CIB4: variants seen among roughly 807,000 people sequenced by gnomAD.
CIB4 encodes the protein calcium and integrin binding family member 4.
Under a neutral mutation model 25.8 loss-of-function variants are expected in CIB4, and 25 were observed. That is an observed-to-expected ratio of 0.97 (90% confidence interval 0.71 to 1.35). The LOEUF is 1.35. Among genes scored for constraint, CIB4 ranks in the 40% most tolerant of loss-of-function variants. The probability of loss-of-function intolerance (pLI) is 0.00; values close to 1 mark genes in which losing one functional copy is unlikely to be tolerated. For synonymous variants in CIB4, 75 were observed against 81.4 expected (o/e 0.92, Z 0.42); for missense variants, 235 against 228.2 (o/e 1.03, Z -0.19).
chr2:26,616,425 G>T (rs1331023104), intron 3 of CIB4, among the ~76,000 whole-genome samples: 2 of 152,208 alleles, frequency 1.3e-5, no homozygotes, highest in African/African-American at 4.8e-5. Flanking sequence ...AGCCTGGGAG[G>T]CCAGGCTGGG....
intron 1 of CIB4, 59 bp from the exon 2 acceptor site, chr2:26,640,626 G>C: frequency 1.3e-6 from 2 of 1,543,284 alleles, no homozygotes; most frequent in South Asian, 2.3e-5. Flanking sequence ...TGTGGCCCCT[G>C]GGGAGTGGCG....
At chr2:26,625,937 T>G (rs1669295343) in intron 3 of CIB4, among the ~76,000 whole-genome samples, 1 of 152,250 alleles carries the variant, frequency 6.6e-6, no homozygotes, top group African/African-American at 2.4e-5. Context: ...GCATCTGGTT[T>G]CACATTTTCT....
At chr2:26,612,304 A>G (rs1403518516) in intron 3 of CIB4, among the ~76,000 whole-genome samples, 1 of 152,240 alleles carries the variant, frequency 6.6e-6, no homozygotes, top group East Asian at 1.9e-4. Flanking sequence ...GTTCAGTGGA[A>G]GATGGCCCCA....
At chr2:26,609,691 G>A (rs1223757760) in intron 3 of CIB4, among the ~76,000 whole-genome samples, 2 of 152,128 alleles carry the variant, frequency 1.3e-5, no homozygotes, top group Non-Finnish European at 2.9e-5. Flanking sequence ...TTTTCAGGGC[G>A]GGAAGGTCCC....
intron 3 of CIB4, among the ~76,000 whole-genome samples, chr2:26,611,111 A>G (rs1319319471): frequency 6.6e-6 from 1 of 152,204 alleles, no homozygotes; most frequent in African/African-American, 2.4e-5. Context: ...CTGTCACAGG[A>G]GTGATGAGAA....
intron 3 of CIB4, among the ~76,000 whole-genome samples, chr2:26,626,453 T>C (rs1307924170): frequency 6.6e-6 from 1 of 151,114 alleles, no homozygotes; most frequent in Admixed American, 6.6e-5. Flanking sequence ...TATATCTGCA[T>C]AGAAAAAAAG....
At chr2:26,618,456 T>C (rs1669138041) in intron 3 of CIB4, among the ~76,000 whole-genome samples, 1 of 152,116 alleles carries the variant, frequency 6.6e-6, no homozygotes, top group Non-Finnish European at 1.5e-5. Flanking sequence ...TGGCTAATTT[T>C]TTATTTTTTG....
chr2:26,634,524 G>T (rs749056472), intron 2 of CIB4, among the ~76,000 whole-genome samples: 1 of 152,276 alleles, frequency 6.6e-6, no homozygotes, highest in East Asian at 1.9e-4. Context: ...TTGATCTTCT[G>T]GTTGTCCTAA....
intron 3 of CIB4, among the ~76,000 whole-genome samples, chr2:26,612,456 TG>T (rs1212467940): frequency 6.6e-6 from 1 of 152,230 alleles, no homozygotes; most frequent in East Asian, 1.9e-4. Flanking sequence ...AGAGCCTTGT[TG>T]GCCCCAGTGC....
chr2:26,595,255 C>T lies in CIB4; in HGVS notation c.249G>A (p.Glu83=), dbSNP rs1393474027. ...ACACAGATGCCATGCCCAGCACATC[C>T]TCAAAGGAGAACATGCCTTTGTGGG... is the stretch of plus-strand genomic sequence containing the variant. ...VFSHKGMFSF[E]DVLGMASVFS... is the part of the protein sequence containing the mutation. Residue 83 remains glutamate, a synonymous_variant, in exon 4 of 7, where the codon GAG becomes GAA. Transcript: ENST00000288861. 6.2e-7 allele frequency: 1 copy of T among 1,614,182 alleles called. No individual in the cohort carries two copies. Among genetic ancestry groups the T allele is most frequent in the Non-Finnish European group, 8.5e-7 (1 of 1,180,014 alleles).
At position 26,640,518 on chromosome 2, in the gene CIB4, G is replaced by A. The variant is rs192079569; in HGVS notation, c.89+15C>T. 2,406 of 1,612,614 alleles carry A rather than the reference G, an allele frequency of 1.5e-3. 7 individuals are homozygous for A. Among genetic ancestry groups the A allele is most frequent in the Non-Finnish European group, 1.9e-3 (2,274 of 1,179,206 alleles). On this transcript the variant is annotated intron_variant, in intron 2 of 6. Transcript: ENST00000288861. ...GGAGCTGGGAGAAGGAAAGAGGGGCGGGGCTTCTACTCACCACAGAATTTC... is the reference window on the plus strand; with the variant it reads ...GGAGCTGGGAGAAGGAAAGAGGGGCAGGGCTTCTACTCACCACAGAATTTC...
intron 4 of CIB4, among the ~76,000 whole-genome samples, chr2:26,592,460 A>G (rs1399210266): frequency 6.6e-6 from 1 of 152,112 alleles, no homozygotes; most frequent in Non-Finnish European, 1.5e-5. Flanking sequence ...ATTTCTACAT[A>G]CCCTGCTTGG....
At chr2:26,581,976 G>A (rs1041401056) in intron 6 of CIB4, among the ~76,000 whole-genome samples, 4 of 152,228 alleles carry the variant, frequency 2.6e-5, no homozygotes, top group African/African-American at 9.6e-5. Context: ...GGGAGGCCGT[G>A]CATGGTCTTA....
intron 2 of CIB4, among the ~76,000 whole-genome samples, chr2:26,633,081 T>C (rs1669464000): frequency 6.6e-6 from 1 of 152,168 alleles, no homozygotes; most frequent in South Asian, 2.1e-4. Context: ...TTGTTTCTTT[T>C]ACAGATGAGG....
At chr2:26,617,227 G>A (rs904827904) in intron 3 of CIB4, among the ~76,000 whole-genome samples, 2 of 152,036 alleles carry the variant, frequency 1.3e-5, no homozygotes, top group Admixed American at 6.6e-5. Context: ...TGGGGAAACT[G>A]GGAGGGAATG....
chr2:26,633,420 C>A (rs1274741501), intron 2 of CIB4, among the ~76,000 whole-genome samples: 1 of 152,128 alleles, frequency 6.6e-6, no homozygotes, highest in East Asian at 1.9e-4. Flanking sequence ...GAGTGGAGGG[C>A]TGAACCCTAA....
chr2:26,618,832 A>C (rs901132066), intron 3 of CIB4, among the ~76,000 whole-genome samples: 7 of 152,188 alleles, frequency 4.6e-5, no homozygotes, highest in African/African-American at 1.2e-4. Context: ...TCAGCTCCTA[A>C]GAAGTGGGAA....
intron 3 of CIB4, among the ~76,000 whole-genome samples, chr2:26,626,400 CAAAA>C (rs34258205): frequency 0.077 from 9,814 of 127,544 alleles, 989 homozygotes; most frequent in African/African-American, 0.24. Flanking sequence ...AAGCAACATA[CAAAA>C]AAAAAAAAAA....
intron 3 of CIB4, among the ~76,000 whole-genome samples, chr2:26,609,911 T>A (rs1668965073): frequency 6.6e-6 from 1 of 152,158 alleles, no homozygotes; most frequent in Non-Finnish European, 1.5e-5. Flanking sequence ...AGGCAGTTAG[T>A]TCAAAGCAAG....
Sources: gnomAD v4.1 joint callset for allele counts (sites outside exome capture counted in the v4.1 genomes callset) on GRCh38, gnomAD v4.1.1 for gene constraint, MANE v1.5 for transcripts, NCBI Gene and HGNC (gene_info 2026-07-23, HGNC 2026-07-21) for gene names.